The following SDK1 variants were observed in gnomAD, a reference collection of about 807,000 sequenced individuals.
The protein encoded by SDK1 is sidekick cell adhesion molecule 1, also known as protein sidekick-1.
SDK1 carries 157 observed loss-of-function variants against 245.5 expected under a neutral mutation model. The observed-to-expected ratio is 0.64, with a 90% CI of 0.56 to 0.73. The LOEUF (loss-of-function observed/expected upper bound fraction) is 0.73. Ranked by LOEUF, SDK1 falls within the 30% of genes least tolerant of loss-of-function variation. The probability of loss-of-function intolerance (pLI) is 0.00; values close to 1 mark genes in which losing one functional copy is unlikely to be tolerated. For synonymous variants in SDK1, 1,647 were observed against 1,278.5 expected, an observed-to-expected ratio of 1.29 and a Z score of -6.15; for missense variants, 3,583 against 3,002.3, an observed-to-expected ratio of 1.19 and a Z score of -4.52.
intron 16 of SDK1, among the ~76,000 whole-genome samples, chr7:4,013,545 T>C (rs1449184279): frequency 7.9e-5 from 12 of 152,230 alleles, no homozygotes; most frequent in Non-Finnish European, 1.8e-4. Context: ...TTGGGAAATG[T>C]TGCATCTTCA....
At chr7:4,251,147 A>T (rs1471428008) in intron 44 of SDK1, among the ~76,000 whole-genome samples, 2 of 152,180 alleles carry the variant, frequency 1.3e-5, no homozygotes, top group Non-Finnish European at 2.9e-5. Flanking sequence ...TATGGGGGGA[A>T]ATTCCATTGT....
At chr7:3,437,528 T>G (rs1780064355) in intron 1 of SDK1, among the ~76,000 whole-genome samples, 1 of 152,040 alleles carries the variant, frequency 6.6e-6, no homozygotes, top group African/African-American at 2.4e-5. Flanking sequence ...TCTCAGAGCT[T>G]TGGGAAGCTG....
intron 1 of SDK1, among the ~76,000 whole-genome samples, chr7:3,344,880 T>C (rs1279458950): frequency 6.6e-6 from 1 of 152,218 alleles, no homozygotes; most frequent in African/African-American, 2.4e-5. Flanking sequence ...TTACTGCCAG[T>C]CTTACTGTTG....
At position 3,762,264 on chromosome 7, in the gene SDK1, T is replaced by C. The variant is rs1319707021; in HGVS notation, c.714-59186T>C. 2.6e-5 allele frequency among the ~76,000 whole-genome samples: 4 copies of C among 152,182 alleles called. No individual in the cohort carries two copies. The East Asian group carries it at 7.7e-4, about 29-fold the overall frequency. On this transcript the variant is annotated intron_variant, in intron 4 of 44. Coordinates refer to ENST00000404826, the MANE Select transcript of SDK1 (RefSeq NM_152744.4). ...GGTCTCCTATGGGACGTACTGGGTGTTCTGTGGGCATTTTTGGTGGTCCTG... is the reference window on the plus strand; with the variant it reads ...GGTCTCCTATGGGACGTACTGGGTGCTCTGTGGGCATTTTTGGTGGTCCTG...
chr7:3,518,523 T>A (rs1362627319), intron 1 of SDK1, among the ~76,000 whole-genome samples: 5 of 151,526 alleles, frequency 3.3e-5, no homozygotes, highest in Non-Finnish European at 7.4e-5. Context: ...GAGCAAATGA[T>A]CTGAACACAC....
At position 4,268,585 on chromosome 7, in the gene SDK1, G is replaced by C; in HGVS notation, c.*3201G>C. 2 of 1,357,082 alleles carry C rather than the reference G, an allele frequency of 1.5e-6. No homozygotes were observed. Among genetic ancestry groups the C allele is most frequent in the Non-Finnish European group, 2.0e-6 (2 of 1,016,030 alleles). 84.1% of individuals were successfully genotyped at this position (1,357,082 alleles called of 1,614,324 possible). On this transcript the variant is annotated 3_prime_UTR_variant, in exon 45 of 45. Transcript: ENST00000404826. ...CACTCTGTACAGGTCTTCGGAGGCC[G>C]TGTTTGTATCTAACTGTGACTGGGC... is the stretch of plus-strand genomic sequence containing the variant.
chr7:4,044,289 C>T (rs538655083), intron 17 of SDK1, among the ~76,000 whole-genome samples: 54 of 152,292 alleles, frequency 3.5e-4, no homozygotes, highest in African/African-American at 1.2e-3. Context: ...ACACTCCTAC[C>T]GCTGCTCAGG....
chr7:3,831,924 A>G, intron 5 of SDK1, among the ~76,000 whole-genome samples: 1 of 152,018 alleles, frequency 6.6e-6, no homozygotes, highest in Admixed American at 6.6e-5. Context: ...GGTAGTGCAT[A>G]CCTGTGGCCC....
At chr7:3,322,364 G>T (rs1036248214) in intron 1 of SDK1, among the ~76,000 whole-genome samples, 1 of 152,178 alleles carries the variant, frequency 6.6e-6, no homozygotes, top group Non-Finnish European at 1.5e-5. Flanking sequence ...ATGTGCCACA[G>T]TTTGTTTATC....
intron 4 of SDK1, among the ~76,000 whole-genome samples, chr7:3,767,258 T>C (rs766880749): frequency 2.0e-5 from 3 of 152,086 alleles, no homozygotes; most frequent in African/African-American, 7.2e-5. Flanking sequence ...AGAGGGACAC[T>C]TGGACTCTGG....
chr7:3,490,473 G>C (rs1781833329), intron 1 of SDK1, among the ~76,000 whole-genome samples: 1 of 152,136 alleles, frequency 6.6e-6, no homozygotes, highest in African/African-American at 2.4e-5. Context: ...AGTCATTCCT[G>C]TGTTCTGTAT....
intron 1 of SDK1, among the ~76,000 whole-genome samples, chr7:3,374,106 C>T (rs12673513): frequency 0.087 from 13,271 of 151,934 alleles, 1,123 homozygotes; most frequent in East Asian, 0.42. Flanking sequence ...CTGATATCCA[C>T]GGTAATTGGA....
chr7:3,835,660 A>T (rs919548025), intron 5 of SDK1, among the ~76,000 whole-genome samples: 4 of 152,198 alleles, frequency 2.6e-5, no homozygotes, highest in African/African-American at 7.2e-5. Context: ...CTGTGCATTC[A>T]GAAATGCATT....
intron 5 of SDK1, among the ~76,000 whole-genome samples, chr7:3,862,256 G>T (rs1458662521): frequency 6.6e-6 from 1 of 152,202 alleles, no homozygotes; most frequent in East Asian, 1.9e-4. Context: ...AATTACATCA[G>T]AATGTCTGGG....
At chr7:3,773,038 T>A (rs1780447125) in intron 4 of SDK1, among the ~76,000 whole-genome samples, 1 of 152,228 alleles carries the variant, frequency 6.6e-6, no homozygotes, top group Admixed American at 6.5e-5. Context: ...AAGTTCTTCC[T>A]ACTTAGAGAT....
chr7:3,847,384 C>G (rs1353945010), intron 5 of SDK1, among the ~76,000 whole-genome samples: 1 of 152,198 alleles, frequency 6.6e-6, no homozygotes, highest in Non-Finnish European at 1.5e-5. Flanking sequence ...TTTCCTGATT[C>G]TATTTCTAAA....
chr7:3,919,595 C>G (rs1779517200), intron 5 of SDK1, among the ~76,000 whole-genome samples: 2 of 152,168 alleles, frequency 1.3e-5, no homozygotes, highest in Admixed American at 6.5e-5. Flanking sequence ...CAAAATCTTA[C>G]CACGTGTTTT....
chr7:3,597,352 T>G (rs572002451), intron 1 of SDK1, among the ~76,000 whole-genome samples: 26 of 151,936 alleles, frequency 1.7e-4, no homozygotes, highest in African/African-American at 6.3e-4. Context: ...TGAGAAAACT[T>G]CTCCCCTTTT....
chr7:3,397,048 A>C (rs1349899053), intron 1 of SDK1, among the ~76,000 whole-genome samples: 1 of 151,550 alleles, frequency 6.6e-6, no homozygotes, highest in African/African-American at 2.4e-5. Context: ...TATCCTGGGG[A>C]TCATAACAAA....
Sources: gnomAD v4.1 joint callset for allele counts (sites outside exome capture counted in the v4.1 genomes callset) on GRCh38, gnomAD v4.1.1 for gene constraint, MANE v1.5 for transcripts, NCBI Gene and HGNC (gene_info 2026-07-23, HGNC 2026-07-21) for gene names.